The following DGKI variants were observed in gnomAD, a reference collection of about 807,000 sequenced individuals.
DGKI encodes the protein DAG kinase iota.
DGKI carries 55 observed loss-of-function variants against 147.5 expected under a neutral mutation model. That is an observed-to-expected ratio of 0.37 (90% CI 0.30 to 0.47). The LOEUF (loss-of-function observed/expected upper bound fraction) is 0.47. DGKI is among the 20% of genes least tolerant of loss of function. The probability of loss-of-function intolerance (pLI) is 1.00; values close to 1 mark genes in which losing one functional copy is unlikely to be tolerated. For missense variants in DGKI, 1,007 were observed against 1,323.8 expected, an observed-to-expected ratio of 0.76 and a Z score of 3.71; for synonymous variants, 469 against 477.1, an observed-to-expected ratio of 0.98 and a Z score of 0.22.
intron 1 of DGKI, among the ~76,000 whole-genome samples, chr7:137,706,975 C>T (rs1483532034): frequency 2.6e-5 from 4 of 152,230 alleles, no homozygotes; most frequent in South Asian, 2.1e-4. Context: ...CTCAACTTCA[C>T]TGATTATGAA....
chr7:137,419,853 T>G (rs537283056), intron 28 of DGKI, among the ~76,000 whole-genome samples: 7 of 152,340 alleles, frequency 4.6e-5, no homozygotes, highest in African/African-American at 1.7e-4. Flanking sequence ...CTGAAGGTTT[T>G]TAACATATTA....
At chr7:137,534,231 T>C (rs1212581095) in intron 20 of DGKI, among the ~76,000 whole-genome samples, 1 of 152,144 alleles carries the variant, frequency 6.6e-6, no homozygotes, top group Non-Finnish European at 1.5e-5. Context: ...TCAGTTCTTA[T>C]TCTAGTACTG....
At chr7:137,565,697 A>C (rs1818560432) in intron 19 of DGKI, among the ~76,000 whole-genome samples, 1 of 152,214 alleles carries the variant, frequency 6.6e-6, no homozygotes, top group South Asian at 2.1e-4. Flanking sequence ...TGAGAAGTTT[A>C]AATTACTTAG....
At chr7:137,535,926 T>G (rs1234578678) in intron 20 of DGKI, among the ~76,000 whole-genome samples, 4 of 152,146 alleles carry the variant, frequency 2.6e-5, no homozygotes, top group African/African-American at 9.7e-5. Flanking sequence ...TCTAAAAGAC[T>G]TCAAATTACT....
chr7:137,580,290 TGAA>T (rs1435820764), intron 15 of DGKI, among the ~76,000 whole-genome samples: 1 of 152,038 alleles, frequency 6.6e-6, no homozygotes, highest in East Asian at 1.9e-4. Context: ...GGGTAAGAAA[TGAA>T]GAATAAAATC....
intron 7 of DGKI, among the ~76,000 whole-genome samples, chr7:137,622,322 G>C (rs1442930129): frequency 6.6e-6 from 1 of 152,210 alleles, no homozygotes; most frequent in Admixed American, 6.5e-5. Flanking sequence ...TGTGTGGCTA[G>C]TTTAGCGTGA....
chr7:137,662,437 G>C (rs1334685360), intron 3 of DGKI, among the ~76,000 whole-genome samples: 1 of 152,014 alleles, frequency 6.6e-6, no homozygotes, highest in Non-Finnish European at 1.5e-5. Context: ...TAGAGACGGG[G>C]TTTCACTGTG....
At chr7:137,485,484 C>A in intron 22 of DGKI, 66 bp from the exon 23 acceptor site, 1 of 1,245,826 alleles carries the variant, frequency 8.0e-7, no homozygotes, top group Non-Finnish European at 1.1e-6. Context: ...CCCCACAACT[C>A]AATCTCAACT....
At chr7:137,502,230 G>C (rs186985808) in intron 21 of DGKI, among the ~76,000 whole-genome samples, 1 of 152,290 alleles carries the variant, frequency 6.6e-6, no homozygotes, top group East Asian at 1.9e-4. Flanking sequence ...AGAAGGATCA[G>C]AGTAGCTGAA....
At chr7:137,729,672 C>T (rs1794812351) in intron 1 of DGKI, among the ~76,000 whole-genome samples, 1 of 152,096 alleles carries the variant, frequency 6.6e-6, no homozygotes, top group Admixed American at 6.5e-5. Context: ...GCCATAGAAA[C>T]CACACTCCAC....
At chr7:137,680,382 A>G (rs942022046) in intron 2 of DGKI, among the ~76,000 whole-genome samples, 2 of 152,238 alleles carry the variant, frequency 1.3e-5, no homozygotes, top group Non-Finnish European at 2.9e-5. Context: ...TAATCATGTA[A>G]TGAAAACCCA....
intron 12 of DGKI, among the ~76,000 whole-genome samples, chr7:137,588,141 CAT>C (rs1476118482): frequency 2.0e-5 from 3 of 152,160 alleles, no homozygotes; most frequent in Non-Finnish European, 4.4e-5. Context: ...TTTATTCTCT[CAT>C]AGGACGTTGA....
At chr7:137,689,819 A>G in intron 2 of DGKI, 75 bp downstream of exon 2, 2 of 1,053,718 alleles carry the variant, frequency 1.9e-6, no homozygotes, top group South Asian at 1.9e-5. Context: ...CTTCCTTGTA[A>G]CTAGAGGAAT....
At chr7:137,764,811 A>G (rs1451342559) in intron 1 of DGKI, among the ~76,000 whole-genome samples, 1 of 152,110 alleles carries the variant, frequency 6.6e-6, no homozygotes, top group East Asian at 1.9e-4. Context: ...TGAGCTATGA[A>G]TATGTTCTCA....
Position 137,780,496 on chromosome 7 carries a change from G to A in DGKI, c.401+65966C>T, listed in dbSNP as rs191448985. ...CAGCTGTTTATCTAAGGGCACCCTG[G>A]AAAAGGAAGGGTGTCTACAAGGAAG... On this transcript the variant is annotated intron_variant, in intron 1 of 32. Coordinates refer to ENST00000614521, the MANE Select transcript of DGKI (RefSeq NM_001321708.2). Among the ~76,000 whole-genome samples, 52 of 152,260 alleles carry A rather than the reference G, an allele frequency of 3.4e-4. 2 individuals carry two copies. In the East Asian group the frequency reaches 9.9e-3, roughly 29 times the overall value.
intron 30 of DGKI, among the ~76,000 whole-genome samples, chr7:137,400,127 C>G (rs1440444937): frequency 4.6e-5 from 7 of 152,160 alleles, no homozygotes; most frequent in Non-Finnish European, 1.0e-4. Context: ...TGTGAAGACA[C>G]TTGTTGACTC....
At chr7:137,825,717 TACAC>T (rs373579420) in intron 1 of DGKI, among the ~76,000 whole-genome samples, 2 of 150,298 alleles carry the variant, frequency 1.3e-5, no homozygotes, top group African/African-American at 4.9e-5. Context: ...CTCACACACA[TACAC>T]ACACACACAC....
intron 1 of DGKI, among the ~76,000 whole-genome samples, chr7:137,695,886 G>A (rs1488141019): frequency 6.6e-6 from 1 of 152,194 alleles, no homozygotes; most frequent in Non-Finnish European, 1.5e-5. Flanking sequence ...TAATGGTTAT[G>A]TAGTCAGATA....
chr7:137,843,500 T>A, intron 1 of DGKI: 1 of 901,634 alleles, frequency 1.1e-6, no homozygotes, highest in Non-Finnish European at 1.3e-6. Flanking sequence ...GAAAAATGGT[T>A]CTCAAAAAAA....
Sources: allele counts gnomAD v4.1 joint callset (sites outside exome capture counted in the v4.1 genomes callset), GRCh38; gene constraint gnomAD v4.1.1; transcripts MANE v1.5; gene names NCBI Gene and HGNC (gene_info 2026-07-23, HGNC 2026-07-21).